The following PLPP3 variants were observed in gnomAD, a reference collection of about 807,000 sequenced individuals.
PLPP3 encodes phospholipid phosphatase 3, also known as PAP2 beta.
A neutral mutation model predicts 29.6 loss-of-function variants in PLPP3; 6 were observed. The observed-to-expected ratio is 0.20, with a 90% confidence interval of 0.11 to 0.40. PLPP3 has a LOEUF of 0.40. Among genes scored for constraint, PLPP3 ranks in the 10% least tolerant of loss-of-function variants. The pLI is 1.00. For synonymous variants in PLPP3, 152 were observed against 159.7 expected (o/e 0.95, Z 0.36); for missense variants, 308 against 407.7 (o/e 0.76, Z 2.11).
intron 2 of PLPP3, among the ~76,000 whole-genome samples, chr1:56,529,864 T>C (rs989538514): frequency 2.0e-5 from 3 of 152,174 alleles, no homozygotes; most frequent in Admixed American, 6.5e-5. Flanking sequence ...AGAACTCCAA[T>C]ATCTAGAATA....
intron 1 of PLPP3, among the ~76,000 whole-genome samples, chr1:56,555,112 C>A (rs1468947733): frequency 6.6e-6 from 1 of 152,070 alleles, no homozygotes; most frequent in African/African-American, 2.4e-5. Context: ...TGGAAAGGGA[C>A]AGAGGTGGCC....
At chr1:56,538,610 C>T in intron 1 of PLPP3, 1 of 355,072 alleles carries the variant, frequency 2.8e-6, no homozygotes, top group Non-Finnish European at 5.4e-6. Context: ...AAAAGAATGC[C>T]CCACAAGTGT....
intron 1 of PLPP3, chr1:56,538,664 C>T: frequency 6.8e-6 from 2 of 294,388 alleles, no homozygotes; most frequent in South Asian, 4.4e-5. Flanking sequence ...CCCCAGCATG[C>T]CGTTGGTACT....
intron 5 of PLPP3, among the ~76,000 whole-genome samples, chr1:56,511,147 A>C (rs2100231802): frequency 6.6e-6 from 1 of 152,294 alleles, no homozygotes; most frequent in African/African-American, 2.4e-5. Context: ...GGGCCCAGGA[A>C]GTCACAATAT....
chr1:56,573,242 C>T (rs908269614), intron 1 of PLPP3, among the ~76,000 whole-genome samples: 2 of 152,182 alleles, frequency 1.3e-5, no homozygotes, highest in Non-Finnish European at 2.9e-5. Context: ...AGATTTTAGC[C>T]TCTTGGCATT....
chr1:56,541,966 CAAAAAA>C (rs71813861), intron 1 of PLPP3, among the ~76,000 whole-genome samples: 3 of 126,616 alleles, frequency 2.4e-5, no homozygotes, highest in Non-Finnish European at 1.7e-5. Context: ...AAAGCATGAC[CAAAAAA>C]AAAAAAAAAA....
At chr1:56,556,210 G>C (rs754964573) in intron 1 of PLPP3, among the ~76,000 whole-genome samples, 1 of 152,074 alleles carries the variant, frequency 6.6e-6, no homozygotes, top group Non-Finnish European at 1.5e-5. Flanking sequence ...TTGGAGATAG[G>C]GTCTTCATAG....
intron 1 of PLPP3, among the ~76,000 whole-genome samples, chr1:56,555,455 A>C (rs796699271): frequency 1.4e-3 from 204 of 149,408 alleles, no homozygotes; most frequent in African/African-American, 4.7e-3. Context: ...AAAAAAAAAA[A>C]AAAAACAAAA....
intron 2 of PLPP3, among the ~76,000 whole-genome samples, chr1:56,528,974 C>T (rs1306725737): frequency 4.0e-5 from 6 of 151,606 alleles, no homozygotes; most frequent in African/African-American, 1.5e-4. Context: ...AATATTTTTG[C>T]ACAGCAGCCT....
chr1:56,570,447 T>C (rs1390786198), intron 1 of PLPP3, among the ~76,000 whole-genome samples: 1 of 152,240 alleles, frequency 6.6e-6, no homozygotes, highest in African/African-American at 2.4e-5. Context: ...TTGCAATATA[T>C]ACTTTCAAAT....
intron 1 of PLPP3, among the ~76,000 whole-genome samples, chr1:56,557,026 A>AAG (rs771132203): frequency 0.082 from 769 of 9,370 alleles, 108 homozygotes; most frequent in East Asian, 0.23. Context: ...GAGAGAGAGA[A>AAG]AGAGAGAGAG....
chr1:56,551,739 T>C lies in PLPP3; in HGVS notation c.140-14627A>G, dbSNP rs139417075. ...ACAAACTTGCCCTTCGCAAATCCCA[T>C]CCAAAGAAATGGTTTGATGCCTTTC... is the stretch of plus-strand genomic sequence containing the variant. On this transcript the variant is annotated intron_variant, in intron 1 of 5. Transcript: ENST00000371250. Among the ~76,000 whole-genome samples the C allele has an allele frequency of 8.4e-3, 1,282 of 152,290 alleles. 13 individuals are homozygous for C. Among genetic ancestry groups the C allele is most frequent in the African/African-American group, 0.029 (1,224 of 41,546 alleles).
intron 1 of PLPP3, among the ~76,000 whole-genome samples, chr1:56,561,857 A>C (rs1022573004): frequency 1.3e-5 from 2 of 151,952 alleles, no homozygotes; most frequent in Non-Finnish European, 2.9e-5. Flanking sequence ...CAACATGGTG[A>C]AACCCTGCCC....
chr1:56,514,263 C>A lies in PLPP3; in HGVS notation c.634-2111G>T, dbSNP rs59482529. 3.5e-3 allele frequency among the ~76,000 whole-genome samples: 534 copies of A among 151,292 alleles called. 2 individuals carry two copies. Among genetic ancestry groups the A allele is most frequent in the African/African-American group, 0.013 (521 of 41,176 alleles). The stretch of plus-strand genomic sequence containing the variant: ...ATTACTATTTGGAAGGGATACTTGA[C>A]CAGAATCCTAAAGGTGAATGAGTAT... On this transcript the variant is annotated intron_variant, in intron 4 of 5. Transcript: ENST00000371250.
intron 2 of PLPP3, among the ~76,000 whole-genome samples, chr1:56,529,435 G>A (rs529142557): frequency 3.3e-5 from 5 of 152,264 alleles, no homozygotes; most frequent in African/African-American, 1.2e-4. Context: ...GCCACAGAGG[G>A]TCAAGTTGTT....
chr1:56,512,386 C>A, intron 4 of PLPP3: 1 of 433,022 alleles, frequency 2.3e-6, no homozygotes, highest in Non-Finnish European at 4.1e-6. Flanking sequence ...CTGAGGTGGG[C>A]AGATCACCTG....
intron 1 of PLPP3, among the ~76,000 whole-genome samples, chr1:56,556,054 T>C (rs1019690235): frequency 2.6e-5 from 4 of 152,204 alleles, no homozygotes; most frequent in Admixed American, 2.6e-4. Context: ...CAGGCCTAAA[T>C]GCAAATCAAA....
intron 1 of PLPP3, among the ~76,000 whole-genome samples, chr1:56,562,544 G>A (rs1358476918): frequency 6.6e-6 from 1 of 152,222 alleles, no homozygotes; most frequent in Non-Finnish European, 1.5e-5. Context: ...ACAAGAGCTT[G>A]CAGTTGCAAA....
At chr1:56,534,051 T>C (rs1169496245) in intron 2 of PLPP3, among the ~76,000 whole-genome samples, 1 of 152,216 alleles carries the variant, frequency 6.6e-6, no homozygotes, top group African/African-American at 2.4e-5. Context: ...AGGCAAGCAC[T>C]GAGCCCATGT....
Sources: gnomAD v4.1 joint callset for allele counts (sites outside exome capture counted in the v4.1 genomes callset) on GRCh38, gnomAD v4.1.1 for gene constraint, MANE v1.5 for transcripts, NCBI Gene and HGNC (gene_info 2026-07-23, HGNC 2026-07-21) for gene names.